Variants in ELL2 observed in about 807,000 individuals in gnomAD.
ELL2 encodes the protein elongation factor for RNA polymerase II 2.
Under a neutral mutation model 72.8 loss-of-function variants are expected in ELL2, and 21 were observed. The ratio of observed to expected loss-of-function variants is 0.29; its 90% confidence interval spans 0.20 to 0.42. The LOEUF (loss-of-function observed/expected upper bound fraction) is 0.42, where lower values mean the gene tolerates loss of function less well. ELL2 is among the 10% of genes least tolerant of loss of function. ELL2 has a pLI of 1.00. For synonymous variants in ELL2, 266 were observed against 283.2 expected (o/e 0.94, Z 0.61); for missense variants, 568 against 772.8 (o/e 0.73, Z 3.14).
intron 3 of ELL2, 134 bp downstream of exon 3, chr5:95,919,290 G>C (rs1418353605): frequency 2.7e-6 from 3 of 1,117,444 alleles, no homozygotes; most frequent in Non-Finnish European, 3.7e-6. Context: ...ATATTTTTCA[G>C]ATAAATAAAT....
rs200228969 is a variant in ELL2 at position 95,888,857 on chromosome 5, G to A, written c.*14C>T. On this transcript the variant is annotated 3_prime_UTR_variant, in exon 12 of 12. Transcript: ENST00000237853. ...AGCTTAAGTTTATTCACATCTTCTG[G>A]TCCAAGCAGAGTTCTAGGACCATGA... The A allele has an allele frequency of 3.9e-4, 609 of 1,547,710 alleles. No homozygotes were observed. The Middle Eastern group carries it at 5.9e-3, about 15-fold the overall frequency.
chr5:95,952,908 G>A (rs1751472289), intron 1 of ELL2, among the ~76,000 whole-genome samples: 1 of 152,192 alleles, frequency 6.6e-6, no homozygotes, highest in Non-Finnish European at 1.5e-5. Context: ...GTAGGCAAAG[G>A]AGAATGAGAA....
chr5:95,890,406 A>G (rs1251818488), intron 10 of ELL2, among the ~76,000 whole-genome samples: 1 of 152,092 alleles, frequency 6.6e-6, no homozygotes, highest in Non-Finnish European at 1.5e-5. Flanking sequence ...CCACTATACC[A>G]CCTGTGTCCG....
At chr5:95,946,659 T>C (rs1362492240) in intron 1 of ELL2, among the ~76,000 whole-genome samples, 1 of 152,204 alleles carries the variant, frequency 6.6e-6, no homozygotes, top group East Asian at 1.9e-4. Context: ...CATCTTCCAC[T>C]TCCTCCCAAC....
chr5:95,946,365 C>T (rs752898645), intron 1 of ELL2, among the ~76,000 whole-genome samples: 2 of 152,150 alleles, frequency 1.3e-5, no homozygotes, highest in Non-Finnish European at 2.9e-5. Flanking sequence ...GCCAGCGTGG[C>T]TCCAGGGCTC....
chr5:95,923,461 C>T (rs945847056), intron 2 of ELL2, among the ~76,000 whole-genome samples: 4 of 152,142 alleles, frequency 2.6e-5, no homozygotes, highest in African/African-American at 9.7e-5. Flanking sequence ...TACGCAGACA[C>T]GGCAGGGGCA....
intron 1 of ELL2, among the ~76,000 whole-genome samples, chr5:95,943,752 G>T (rs1210259026): frequency 1.3e-5 from 2 of 152,218 alleles, no homozygotes; most frequent in Non-Finnish European, 1.5e-5. Flanking sequence ...CCAGGAGAAT[G>T]TAATTTCTAG....
At chr5:95,925,225 T>C (rs115135691) in intron 2 of ELL2, among the ~76,000 whole-genome samples, 268 of 152,352 alleles carry the variant, frequency 1.8e-3, no homozygotes, top group Non-Finnish European at 3.4e-3. Context: ...AAATGCTCAG[T>C]GAACCAGCAG....
chr5:95,894,815 T>C (rs1233077256), intron 9 of ELL2, among the ~76,000 whole-genome samples: 11 of 152,242 alleles, frequency 7.2e-5, no homozygotes, highest in Non-Finnish European at 1.3e-4. Flanking sequence ...TAGTTTAACA[T>C]TGTCCACCAT....
chr5:95,892,208 G>T (rs1292421389), intron 9 of ELL2, among the ~76,000 whole-genome samples: 25 of 151,200 alleles, frequency 1.7e-4, no homozygotes, highest in Non-Finnish European at 3.7e-4. Context: ...GGGCAGTGGC[G>T]CGATCTCAGC....
intron 4 of ELL2, among the ~76,000 whole-genome samples, chr5:95,909,622 A>G (rs1749504574): frequency 6.6e-6 from 1 of 152,234 alleles, no homozygotes; most frequent in African/African-American, 2.4e-5. Context: ...GAAAAAAGCC[A>G]TTTTAATAAA....
chr5:95,926,636 T>C (rs1404191297), intron 2 of ELL2, among the ~76,000 whole-genome samples: 1 of 152,200 alleles, frequency 6.6e-6, no homozygotes, highest in Non-Finnish European at 1.5e-5. Flanking sequence ...CTGGATCCAG[T>C]ATTAAAATTT....
intron 2 of ELL2, among the ~76,000 whole-genome samples, chr5:95,924,880 G>A (rs943439556): frequency 6.6e-6 from 1 of 152,228 alleles, no homozygotes; most frequent in Non-Finnish European, 1.5e-5. Context: ...TGTGGCAACA[G>A]AATACTGCCT....
At chr5:95,947,312 C>T (rs1027826180) in intron 1 of ELL2, among the ~76,000 whole-genome samples, 3 of 152,136 alleles carry the variant, frequency 2.0e-5, no homozygotes, top group Non-Finnish European at 4.4e-5. Context: ...ACAGACAAGA[C>T]AATATGTACT....
intron 8 of ELL2, 85 bp downstream of exon 8, chr5:95,898,155 T>C (rs1748946980): frequency 8.7e-7 from 1 of 1,150,900 alleles, no homozygotes; most frequent in Non-Finnish European, 1.2e-6. Flanking sequence ...TGAAACGTCA[T>C]TTGCTAAAGA....
chr5:95,920,327 T>TTTA (rs1750007592), intron 2 of ELL2, among the ~76,000 whole-genome samples: 1 of 106,478 alleles, frequency 9.4e-6, no homozygotes, highest in Non-Finnish European at 2.1e-5. Context: ...TTATTTATTT[T>TTTA]TGAGACGGAG....
At position 95,888,468 on chromosome 5, in the gene ELL2, G is replaced by A. The variant is rs1208420454; in HGVS notation, c.*403C>T. 6.5e-6 allele frequency: 1 copy of A among 153,954 alleles called. No individual in the cohort carries two copies. The highest frequency in any genetic ancestry group is 1.4e-5 in the Non-Finnish European group (1 of 69,442). The allele number at this position is 153,954 out of a possible 1,614,324, so 9.5% of individuals were successfully genotyped here. A position where few individuals can be genotyped will look rare whatever the true frequency, so the allele number is the denominator to read the frequency against. On this transcript the variant is annotated 3_prime_UTR_variant, in exon 12 of 12. Transcript: ENST00000237853. The stretch of plus-strand genomic sequence containing the variant: ...AAAATAGGCTTACGTTTATCCAAAA[G>A]CATTTCACCTTGCACATTACTGTTG...
intron 1 of ELL2, among the ~76,000 whole-genome samples, chr5:95,951,309 C>T (rs1015843037): frequency 1.3e-5 from 2 of 151,934 alleles, no homozygotes; most frequent in African/African-American, 4.8e-5. Flanking sequence ...GTGGAGCTTG[C>T]AGTAAGCCGA....
chr5:95,897,313 A>G (rs140049644), intron 8 of ELL2, among the ~76,000 whole-genome samples: 6 of 152,366 alleles, frequency 3.9e-5, no homozygotes, highest in Non-Finnish European at 8.8e-5. Context: ...ATTTTTCCAA[A>G]GCCATATTTT....
Sources: allele counts gnomAD v4.1 joint callset (sites outside exome capture counted in the v4.1 genomes callset), GRCh38; gene constraint gnomAD v4.1.1; transcripts MANE v1.5; gene names NCBI Gene and HGNC (gene_info 2026-07-23, HGNC 2026-07-21).